ST3GAL1: variants seen among roughly 807,000 people sequenced by gnomAD.
The protein encoded by ST3GAL1 is ST3 beta-galactoside alpha-2,3-sialyltransferase 1.
A neutral mutation model predicts 34.1 loss-of-function variants in ST3GAL1; 16 were observed. The ratio of observed to expected loss-of-function variants is 0.47; its 90% CI spans 0.32 to 0.71. The LOEUF (loss-of-function observed/expected upper bound fraction) is 0.71, where lower values mean the gene tolerates loss of function less well. Among genes scored for constraint, ST3GAL1 ranks in the 30% least tolerant of loss-of-function variants. The probability of loss-of-function intolerance (pLI) is 0.04; values close to 1 mark genes in which losing one functional copy is unlikely to be tolerated. For synonymous variants in ST3GAL1, 191 were observed against 184.7 expected, an observed-to-expected ratio of 1.03 and a Z score of -0.28; for missense variants, 353 against 447.4, an observed-to-expected ratio of 0.79 and a Z score of 1.90.
chr8:133,471,360 G>A lies in ST3GAL1; in HGVS notation c.306+4359C>T, dbSNP rs1815953256. On this transcript the variant is annotated intron_variant, in intron 5 of 9. Coordinates refer to ENST00000522652, the MANE Select transcript of ST3GAL1 (RefSeq NM_173344.3). ...GGACAGGTGGGGTGGACAGGTTAGC[G>A]CCGGGACAGGCGGTGCTTAGAAATG... Among the ~76,000 whole-genome samples the A allele has an allele frequency of 3.3e-5, 5 of 152,314 alleles. No individual in the cohort carries two copies. The South Asian group carries it at 6.2e-4, about 19-fold the overall frequency.
intron 1 of ST3GAL1, among the ~76,000 whole-genome samples, chr8:133,563,976 A>C (rs1819317429): frequency 6.6e-6 from 1 of 152,172 alleles, no homozygotes; most frequent in Non-Finnish European, 1.5e-5. Flanking sequence ...CCTGTCTCAG[A>C]GTGTACTGTC....
intron 1 of ST3GAL1, among the ~76,000 whole-genome samples, chr8:133,555,354 G>T (rs114256683): frequency 6.6e-6 from 1 of 152,104 alleles, no homozygotes; most frequent in African/African-American, 2.4e-5. Context: ...CACCAGGCTC[G>T]TAATCTCCAA....
chr8:133,488,478 G>A (rs1272775882), intron 3 of ST3GAL1: 4 of 152,256 alleles, frequency 2.6e-5, no homozygotes, highest in Admixed American at 2.6e-4. Flanking sequence ...TTGTAACAGA[G>A]AAGTCAAGTC....
Position 133,455,312 on chromosome 8 carries a change from G to C in ST3GAL1, c.*4452C>G, listed in dbSNP as rs1815258759. 2 of 152,482 alleles carry C rather than the reference G, an allele frequency of 1.3e-5. No homozygotes were observed. The highest frequency in any genetic ancestry group is 4.1e-4 in the South Asian group (2 of 4,832). 9.4% of individuals were successfully genotyped at this position (152,482 alleles called of 1,614,324 possible). Reference sequence around the variant, plus strand: ...TGGGATCGCTTGACGGGCTGGGAGGGAGGACAGGAGGTGTAAAGGTGGCTC... The same window carrying C: ...TGGGATCGCTTGACGGGCTGGGAGGCAGGACAGGAGGTGTAAAGGTGGCTC... On this transcript the variant is annotated 3_prime_UTR_variant, in exon 10 of 10. Coordinates refer to ENST00000522652, the MANE Select transcript of ST3GAL1 (RefSeq NM_173344.3).
At chr8:133,509,734 T>G (rs569099622) in intron 2 of ST3GAL1, among the ~76,000 whole-genome samples, 7 of 152,330 alleles carry the variant, frequency 4.6e-5, no homozygotes, top group Admixed American at 2.6e-4. Context: ...CATGTCCCTC[T>G]GGAGGGCAGT....
intron 2 of ST3GAL1, among the ~76,000 whole-genome samples, chr8:133,532,246 T>C (rs973031785): frequency 4.6e-5 from 7 of 151,800 alleles, no homozygotes; most frequent in Non-Finnish European, 8.8e-5. Context: ...CTGCGGCGGG[T>C]GGATCACCTG....
chr8:133,462,114 C>T (rs1357864226), intron 8 of ST3GAL1, 120 bp from the exon 9 acceptor site: 27 of 1,448,088 alleles, frequency 1.9e-5, no homozygotes, highest in Middle Eastern at 3.6e-4. Flanking sequence ...AATAGATACG[C>T]CTGCACTTGT....
In ST3GAL1 at chr8:133,461,980, G is replaced by T. The variant is rs1313473464; in HGVS notation, c.744C>A (p.His248Gln). Reference sequence around the variant, plus strand: ...CAAAGACATACTTGATGAAGGCTGGGTGGTAGATCAGGATCTGCGGGGATG... The same window carrying T: ...CAAAGACATACTTGATGAAGGCTGGTTGGTAGATCAGGATCTGCGGGGATG... Reference protein sequence around the residue: ...RVKQDKILIYHPAFIKYVFDN... With the variant: ...RVKQDKILIYQPAFIKYVFDN... Residue 248 changes from histidine to glutamine, a missense_variant, in exon 9 of 10, where the codon CAC (histidine) becomes CAA (glutamine). By Grantham distance (24) the His-to-Gln change is conservative (BLOSUM62 0). Transcript: ENST00000522652. The surrounding 1 kb of genome is among the most constrained non-coding windows in gnomAD (Gnocchi z 4.7). The T allele has an allele frequency of 6.2e-7, 1 of 1,614,090 alleles. No individual in the cohort carries two copies. The highest frequency in any genetic ancestry group is 1.3e-5 in the African/African-American group (1 of 74,938).
chr8:133,508,157 G>A lies in ST3GAL1; in HGVS notation c.-428-8968C>T, dbSNP rs560292203. 3.2e-4 allele frequency among the ~76,000 whole-genome samples: 49 copies of A among 152,080 alleles called. No homozygotes were observed. The highest frequency in any genetic ancestry group is 5.1e-4 in the African/African-American group (21 of 41,406). Reference sequence around the variant, plus strand: ...AAAAAAGGCATCTTTCCCCAACAGCGTGGAGGCACACTCATTTCTCTTCCC... The same window carrying A: ...AAAAAAGGCATCTTTCCCCAACAGCATGGAGGCACACTCATTTCTCTTCCC... On this transcript the variant is annotated intron_variant, in intron 2 of 9. Transcript: ENST00000522652. The surrounding 1 kb of genome is among the most constrained non-coding windows in gnomAD (Gnocchi z 4.1).
chr8:133,474,731 G>T (rs998737762), intron 5 of ST3GAL1, among the ~76,000 whole-genome samples: 1 of 152,100 alleles, frequency 6.6e-6, no homozygotes, highest in South Asian at 2.1e-4. Context: ...TCTTCTCATG[G>T]CTGCTGCCTT....
At position 133,461,478 on chromosome 8, in the gene ST3GAL1, T is replaced by C. The variant is rs1416295941; in HGVS notation, c.849+397A>G. 6.6e-6 allele frequency among the ~76,000 whole-genome samples: 1 copy of C among 152,036 alleles called. No homozygotes were observed. The highest frequency in any genetic ancestry group is 1.5e-5 in the Non-Finnish European group (1 of 68,006). On this transcript the variant is annotated intron_variant, in intron 9 of 9. Transcript: ENST00000522652. This position sits in a 1 kb window ranked among gnomAD's most constrained non-coding sequence, Gnocchi z 4.7. ...CTGGCTCCCATTAATTCTGGTAAAA[T>C]TGGGCCAAGGTGTGGCTTGGGTGCT... is the stretch of plus-strand genomic sequence containing the variant.
At chr8:133,468,205 G>A (rs1206699591) in intron 5 of ST3GAL1, among the ~76,000 whole-genome samples, 1 of 152,102 alleles carries the variant, frequency 6.6e-6, no homozygotes, top group Non-Finnish European at 1.5e-5. Flanking sequence ...ATAAAAGGTG[G>A]GAGCAACCCA....
Position 133,475,940 on chromosome 8 carries a change from A to G in ST3GAL1, c.85T>C (p.Ser29Pro). Reference protein sequence around the residue: ...IFLTSFFLNYSHTMVATTWFP... With the variant: ...IFLTSFFLNYPHTMVATTWFP... ...CAGGTGGTGGCCACCATGGTGTGGG[A>G]GTAGTTCAGGAAGAAGGAGGTGAGG... Residue 29 changes from serine to proline, a missense_variant, in exon 5 of 10, where the codon TCC becomes CCC. Physicochemically the swap from Ser to Pro is moderately conservative, Grantham distance 74 (BLOSUM62 -1). Coordinates refer to ENST00000522652, the MANE Select transcript of ST3GAL1 (RefSeq NM_173344.3). The G allele has an allele frequency of 6.2e-7, 1 of 1,613,978 alleles. No homozygotes were observed. The highest frequency in any genetic ancestry group is 8.5e-7 in the Non-Finnish European group (1 of 1,180,016).
At chr8:133,523,670 C>T (rs569573234) in intron 2 of ST3GAL1, among the ~76,000 whole-genome samples, 4 of 152,180 alleles carry the variant, frequency 2.6e-5, no homozygotes, top group African/African-American at 7.2e-5. Flanking sequence ...AGGTCAGCAC[C>T]ATTCCTAGGT....
Position 133,511,702 on chromosome 8 carries a change from G to C in ST3GAL1, c.-428-12513C>G, listed in dbSNP as rs1279235248. 2.6e-5 allele frequency among the ~76,000 whole-genome samples: 4 copies of C among 152,150 alleles called. No individual in the cohort carries two copies. The East Asian group carries it at 7.7e-4, about 29-fold the overall frequency. The stretch of plus-strand genomic sequence containing the variant: ...AGACCTTTCGAGTCACATACTATTA[G>C]TCAGGGTTCTCTAGAGGGACAGGAC... On this transcript the variant is annotated intron_variant, in intron 2 of 9. Coordinates refer to ENST00000522652, the MANE Select transcript of ST3GAL1 (RefSeq NM_173344.3).
Position 133,475,271 on chromosome 8 carries a change from G to A in ST3GAL1, c.306+448C>T, listed in dbSNP as rs1026436282. Among the ~76,000 whole-genome samples, 37 of 152,366 alleles carry A rather than the reference G, an allele frequency of 2.4e-4. 1 individual carries two copies. Among genetic ancestry groups the A allele is most frequent in the African/African-American group, 7.9e-4 (33 of 41,596 alleles). ...CCGGCAGCTGGCAGGAGCCAGGAGCGGGCCTGGGGCGGCTTCCCCCTCAGA... is the reference window on the plus strand; with the variant it reads ...CCGGCAGCTGGCAGGAGCCAGGAGCAGGCCTGGGGCGGCTTCCCCCTCAGA... On this transcript the variant is annotated intron_variant, in intron 5 of 9. Transcript: ENST00000522652.
At chr8:133,497,503 C>T (rs1366205559) in intron 3 of ST3GAL1, among the ~76,000 whole-genome samples, 1 of 104,988 alleles carries the variant, frequency 9.5e-6, no homozygotes, top group Admixed American at 1.4e-4. Flanking sequence ...CGGAGTCTCG[C>T]TCTTTTGCCC....
In ST3GAL1 at chr8:133,518,140, T is replaced by C. The variant is rs142973963; in HGVS notation, c.-428-18951A>G. On this transcript the variant is annotated intron_variant, in intron 2 of 9. Transcript: ENST00000522652. The stretch of plus-strand genomic sequence containing the variant: ...ACCTCTGCTCCTACTGTCCATGACT[T>C]GTCTGATATTCACATGCCAACAGAT... Among the ~76,000 whole-genome samples, 325 of 152,342 alleles carry C rather than the reference T, an allele frequency of 2.1e-3. 1 individual carries two copies. Among genetic ancestry groups the C allele is most frequent in the Non-Finnish European group, 3.2e-3 (218 of 68,026 alleles).
At chr8:133,507,188 G>A (rs1357291436) in intron 2 of ST3GAL1, among the ~76,000 whole-genome samples, 2 of 152,196 alleles carry the variant, frequency 1.3e-5, no homozygotes, top group Non-Finnish European at 2.9e-5. Context: ...GAAGAGAAAT[G>A]AGTGTGCTAC....
Sources: allele counts gnomAD v4.1 joint callset (sites outside exome capture counted in the v4.1 genomes callset), GRCh38; gene constraint gnomAD v4.1.1; non-coding constraint Gnocchi (gnomAD v3.1); transcripts MANE v1.5; gene names NCBI Gene and HGNC (gene_info 2026-07-23, HGNC 2026-07-21).